Variants in DNAAF11 observed in about 807,000 individuals in gnomAD.
DNAAF11 encodes the protein dynein axonemal assembly factor 11, also known as leucine rich repeat containing 6.
Under a neutral mutation model 60.8 loss-of-function variants are expected in DNAAF11, and 45 were observed. The ratio of observed to expected loss-of-function variants is 0.74; its 90% confidence interval spans 0.58 to 0.95. DNAAF11 has a LOEUF of 0.95. DNAAF11 is among the 40% of genes least tolerant of loss of function. The pLI is 0.00. For synonymous variants in DNAAF11, 191 were observed against 183.5 expected (o/e 1.04, Z -0.33); for missense variants, 546 against 546.2 (o/e 1.00, Z 0.00).
At chr8:132,693,636 G>C in the DNAAF11 span, among the ~76,000 whole-genome samples, 1 of 151,956 alleles carries the variant, frequency 6.6e-6, no homozygotes, top group Non-Finnish European at 1.5e-5. Flanking sequence ...TGGCATGTCA[G>C]GTACTACTAA....
chr8:132,644,508 G>A (rs1358426787), intron 3 of DNAAF11, among the ~76,000 whole-genome samples: 2 of 152,072 alleles, frequency 1.3e-5, no homozygotes, highest in South Asian at 2.1e-4. Flanking sequence ...TGCAGCTCAC[G>A]GAGGATTAGC....
chr8:132,622,421 T>C (rs111664913), intron 7 of DNAAF11, among the ~76,000 whole-genome samples, 190 bp downstream of exon 7: 1 of 152,250 alleles, frequency 6.6e-6, no homozygotes, highest in African/African-American at 2.4e-5. Context: ...AAGAAAATTA[T>C]GCATTTGAAA....
At chr8:132,648,367 T>A (rs1344280700) in intron 3 of DNAAF11, among the ~76,000 whole-genome samples, 8 of 152,028 alleles carry the variant, frequency 5.3e-5, no homozygotes, top group African/African-American at 1.4e-4. Flanking sequence ...TCTCAAAATA[T>A]TAAGAGCTAT....
chr8:132,576,784 G>A (rs1055606449), intron 11 of DNAAF11, among the ~76,000 whole-genome samples: 1 of 148,524 alleles, frequency 6.7e-6, no homozygotes, highest in Non-Finnish European at 1.5e-5. Flanking sequence ...TTGGATAAGG[G>A]ATACTCAACC....
intron 10 of DNAAF11, among the ~76,000 whole-genome samples, chr8:132,595,949 A>T (rs1436150968): frequency 2.0e-5 from 3 of 152,068 alleles, no homozygotes; most frequent in Admixed American, 2.0e-4. Flanking sequence ...TTCAGGATGT[A>T]TTTCAGTAGT....
chr8:132,598,622 T>G (rs2129639617), intron 10 of DNAAF11, among the ~76,000 whole-genome samples: 1 of 152,330 alleles, frequency 6.6e-6, no homozygotes, highest in East Asian at 1.9e-4. Context: ...TTTCAGTTTG[T>G]GCAGTGGGTA....
rs563030327 is a variant in DNAAF11 at position 132,604,424 on chromosome 8, G to A, written c.1140+5742C>T. The stretch of plus-strand genomic sequence containing the variant: ...ACTGAAGTGGTAAATATATTTTGCT[G>A]TTCAGTTCACATGGCAACTTCCTTA... On this transcript the variant is annotated intron_variant, in intron 10 of 11. Transcript: ENST00000620350. Among the ~76,000 whole-genome samples the A allele has an allele frequency of 7.2e-5, 11 of 152,272 alleles. No individual in the cohort carries two copies. The South Asian group carries it at 2.1e-3, about 29-fold the overall frequency.
At position 132,572,121 on chromosome 8, in the gene DNAAF11, A is replaced by G. The variant is rs1814252299; in HGVS notation, c.*185T>C. ...AGGTAAATGATGAGTTATAGCATTT[A>G]AGACATACATTTTAATTTTAAGCTA... On this transcript the variant is annotated 3_prime_UTR_variant, in exon 12 of 12. Transcript: ENST00000620350. 1 of 473,950 alleles carries G rather than the reference A, an allele frequency of 2.1e-6. No homozygotes were observed. The highest frequency in any genetic ancestry group is 3.9e-5 in the Admixed American group (1 of 25,638). The allele number at this position is 473,950 out of a possible 1,614,324, so 29.4% of individuals were successfully genotyped here.
chr8:132,593,379 A>G (rs1303876770), intron 10 of DNAAF11, among the ~76,000 whole-genome samples: 4 of 140,138 alleles, frequency 2.9e-5, no homozygotes, highest in African/African-American at 1.1e-4. Flanking sequence ...GTAATGCCCA[A>G]TGACTTTTAC....
At chr8:132,577,829 T>A (rs1814911561) in intron 11 of DNAAF11, among the ~76,000 whole-genome samples, 1 of 151,530 alleles carries the variant, frequency 6.6e-6, no homozygotes, top group Non-Finnish European at 1.5e-5. Context: ...GCCTGGCTAA[T>A]TTTTGTATTT....
At chr8:132,591,318 G>C (rs1217723513) in intron 10 of DNAAF11, among the ~76,000 whole-genome samples, 1 of 151,910 alleles carries the variant, frequency 6.6e-6, no homozygotes, top group Non-Finnish European at 1.5e-5. Flanking sequence ...TTGAAGAAGA[G>C]AGATTAAAGG....
intron 1 of DNAAF11, among the ~76,000 whole-genome samples, chr8:132,669,155 C>A (rs993783254): frequency 1.3e-5 from 2 of 152,134 alleles, no homozygotes; most frequent in Non-Finnish European, 2.9e-5. Flanking sequence ...TCTTTCCTAC[C>A]CACCCCAACA....
At chr8:132,646,186 A>T (rs1308152196) in intron 3 of DNAAF11, among the ~76,000 whole-genome samples, 3 of 152,216 alleles carry the variant, frequency 2.0e-5, no homozygotes, top group Admixed American at 1.3e-4. Context: ...AATATTCAAC[A>T]TTCTTAAAGA....
rs764707762 is a variant in DNAAF11, at chr8:132,611,266, T to C, written c.1044+28A>G. 17 of 1,536,212 alleles carry C rather than the reference T, an allele frequency of 1.1e-5. 1 individual carries two copies. In the South Asian group the frequency reaches 1.1e-4, roughly 10 times the overall value. On this transcript the variant is annotated intron_variant, in intron 9 of 11. Coordinates refer to ENST00000620350, the MANE Select transcript of DNAAF11 (RefSeq NM_012472.6). ...TTAGTTCAAAGCTTAGCTTTTGAAA[T>C]TGTAATAGCCTACAGGGTTCTACTT...
chr8:132,602,594 G>A (rs967718762), intron 10 of DNAAF11, among the ~76,000 whole-genome samples: 1 of 151,878 alleles, frequency 6.6e-6, no homozygotes, highest in Non-Finnish European at 1.5e-5. Context: ...AATGCCCACA[G>A]CAACTGTGGG....
In DNAAF11 at chr8:132,632,686, A is replaced by G. The variant is rs769051523; in HGVS notation, c.653+54T>C. On this transcript the variant is annotated intron_variant, in intron 5 of 11. Coordinates refer to ENST00000620350, the MANE Select transcript of DNAAF11 (RefSeq NM_012472.6). ...TGCAAACAACTTGGAAAGAGAATAC[A>G]GTTTGCTGCTTTTAACAAAAGTTAA... The G allele has an allele frequency of 1.2e-3, 1,430 of 1,206,260 alleles. 5 individuals are homozygous for G. The highest frequency in any genetic ancestry group is 6.4e-4 in the Non-Finnish European group (522 of 813,234). 74.7% of individuals were successfully genotyped at this position (1,206,260 alleles called of 1,614,324 possible).
intron 10 of DNAAF11, among the ~76,000 whole-genome samples, chr8:132,604,166 A>G (rs1272854220): frequency 6.6e-6 from 1 of 152,222 alleles, no homozygotes; most frequent in African/African-American, 2.4e-5. Context: ...AAAACCTAGC[A>G]AGATGCCCAG....
intron 11 of DNAAF11, among the ~76,000 whole-genome samples, chr8:132,577,816 C>A (rs1290984258): frequency 2.0e-5 from 3 of 152,204 alleles, no homozygotes; most frequent in African/African-American, 4.8e-5. Context: ...TGCATGCCAC[C>A]ATGCCTGGCT....
At chr8:132,578,902 A>G (rs1387229318) in intron 11 of DNAAF11, among the ~76,000 whole-genome samples, 1 of 152,210 alleles carries the variant, frequency 6.6e-6, no homozygotes, top group African/African-American at 2.4e-5. Flanking sequence ...CAAGGCCCTG[A>G]GCATGCCAGG....
Sources: allele counts gnomAD v4.1 joint callset (sites outside exome capture counted in the v4.1 genomes callset), GRCh38; gene constraint gnomAD v4.1.1; transcripts MANE v1.5; gene names NCBI Gene and HGNC (gene_info 2026-07-23, HGNC 2026-07-21).